Variants in ANOS1 observed in about 807,000 individuals in gnomAD.
ANOS1 encodes anosmin-1.
A neutral mutation model predicts 59.0 loss-of-function variants in ANOS1; 6 were observed. The ratio of observed to expected loss-of-function variants is 0.10; its 90% CI spans 0.06 to 0.20. The LOEUF (loss-of-function observed/expected upper bound fraction) is 0.20, where lower values mean the gene tolerates loss of function less well. Ranked by LOEUF, ANOS1 falls within the 10% of genes least tolerant of loss-of-function variation. The probability of loss-of-function intolerance (pLI) is 1.00; values close to 1 mark genes in which losing one functional copy is unlikely to be tolerated. For missense variants in ANOS1, 433 were observed against 542.3 expected (o/e 0.80, Z 2.00); for synonymous variants, 217 against 223.4 (o/e 0.97, Z 0.25).
intron 2 of ANOS1, among the ~76,000 whole-genome samples, chrX:8,667,378 C>A (rs1386511106): frequency 9.0e-6 from 1 of 110,796 alleles, no homozygotes; most frequent in Non-Finnish European, 1.9e-5. Flanking sequence ...CCAGCATGGA[C>A]TCAAACTCCT....
chrX:8,689,972 A>G (rs1451166960), intron 2 of ANOS1, among the ~76,000 whole-genome samples: 2 of 111,812 alleles, frequency 1.8e-5, no homozygotes, highest in Non-Finnish European at 3.8e-5. Flanking sequence ...ACACTAGTTG[A>G]AACCTCACAC....
chrX:8,595,748 C>A, intron 4 of ANOS1, among the ~76,000 whole-genome samples: 1 of 111,570 alleles, frequency 9.0e-6, no homozygotes, highest in Middle Eastern at 4.6e-3. Context: ...TGCCTACTGA[C>A]TGACTCTATA....
intron 9 of ANOS1, among the ~76,000 whole-genome samples, chrX:8,549,697 G>T (rs980090621): frequency 1.8e-5 from 2 of 111,963 alleles, no homozygotes; most frequent in Non-Finnish European, 3.8e-5. Flanking sequence ...GCCAGGCACC[G>T]GTCCAACCAA....
intron 2 of ANOS1, among the ~76,000 whole-genome samples, chrX:8,689,043 T>C (rs955094762): frequency 3.6e-5 from 4 of 111,670 alleles, no homozygotes; most frequent in Non-Finnish European, 7.5e-5. Flanking sequence ...CAGTGACAGA[T>C]GGAAGTTTGC....
In ANOS1 at chrX:8,531,103, A is replaced by G. The variant is rs1377480482; in HGVS notation, c.*1892T>C. On this transcript the variant is annotated 3_prime_UTR_variant, in exon 14 of 14. Coordinates refer to ENST00000262648, the MANE Select transcript of ANOS1 (RefSeq NM_000216.4). ...CTGCAGTGAACCATTCAGAACCAAC[A>G]TGAACTTTCATTCTGAGGTGTCCAA... The G allele has an allele frequency of 2.0e-5, 2 of 101,818 alleles. No homozygotes were observed. Among genetic ancestry groups the G allele is most frequent in the Non-Finnish European group, 4.0e-5 (2 of 50,305 alleles). 8.4% of individuals were successfully genotyped at this position (101,818 alleles called of 1,213,427 possible).
chrX:8,703,350 A>G (rs1336699093), intron 1 of ANOS1, among the ~76,000 whole-genome samples: 1 of 112,344 alleles, frequency 8.9e-6, no homozygotes, highest in East Asian at 2.8e-4. Flanking sequence ...TGTTGTCAAC[A>G]GGTTGACAAA....
intron 4 of ANOS1, among the ~76,000 whole-genome samples, chrX:8,590,347 T>C (rs1257686262): frequency 1.0e-5 from 1 of 100,415 alleles, no homozygotes; most frequent in Non-Finnish European, 2.1e-5. Flanking sequence ...ATGGTTTTTT[T>C]GTTTGTTTGT....
intron 3 of ANOS1, among the ~76,000 whole-genome samples, chrX:8,619,411 C>A (rs1455052894): frequency 2.7e-5 from 3 of 111,251 alleles, no homozygotes. Flanking sequence ...GGAGACCATC[C>A]TGGCCAACAT....
chrX:8,609,321 C>A (rs772378703), intron 3 of ANOS1, among the ~76,000 whole-genome samples: 12 of 111,830 alleles, frequency 1.1e-4, no homozygotes, highest in Non-Finnish European at 2.1e-4. Flanking sequence ...GGACAGAAGA[C>A]TGGCCTTATA....
intron 3 of ANOS1, among the ~76,000 whole-genome samples, chrX:8,606,181 A>G: frequency 8.9e-6 from 1 of 112,672 alleles, no homozygotes; most frequent in South Asian, 3.6e-4. Flanking sequence ...ATCATGCATA[A>G]ACTTAAAGAA....
At chrX:8,668,030 T>A (rs369178103) in intron 2 of ANOS1, among the ~76,000 whole-genome samples, 3 of 110,706 alleles carry the variant, frequency 2.7e-5, no homozygotes, top group African/African-American at 9.9e-5. Context: ...AAGGTATTTT[T>A]AAATTTTTTT....
intron 8 of ANOS1, among the ~76,000 whole-genome samples, chrX:8,562,328 T>C (rs894326498): frequency 8.9e-6 from 1 of 112,031 alleles, no homozygotes. Flanking sequence ...ATTAAAATGA[T>C]TCAAGAAGAG....
rs1193427084 is a variant in ANOS1 at position 8,665,454 on chromosome X, G to GA, written c.255+34243dup. ...AATACAAAAGACTTTTCTAATCTTG[G>GA]AAAAAAATAGTGGAAGGTAATACTG... On this transcript the variant is annotated intron_variant, in intron 2 of 13. Coordinates refer to ENST00000262648, the MANE Select transcript of ANOS1 (RefSeq NM_000216.4). 2.7e-5 allele frequency among the ~76,000 whole-genome samples: 3 copies of GA among 111,952 alleles called. No homozygotes were observed. In the Admixed American group the frequency reaches 2.8e-4, roughly 11 times the overall value.
chrX:8,615,950 G>C (rs1157977954), intron 3 of ANOS1, among the ~76,000 whole-genome samples: 1 of 110,401 alleles, frequency 9.1e-6, no homozygotes, highest in Non-Finnish European at 1.9e-5. Flanking sequence ...TCATCTGCTT[G>C]TAAAATATAA....
At chrX:8,661,761 C>G (rs1932042428) in intron 2 of ANOS1, among the ~76,000 whole-genome samples, 1 of 111,912 alleles carries the variant, frequency 8.9e-6, no homozygotes, top group Admixed American at 9.5e-5. Context: ...TGGGCAAGCA[C>G]AGTTGATCAC....
chrX:8,668,430 TACAC>T (rs1555900813), intron 2 of ANOS1, among the ~76,000 whole-genome samples: 1 of 80,256 alleles, frequency 1.2e-5, no homozygotes, highest in Non-Finnish European at 2.3e-5. Context: ...TATATATATA[TACAC>T]ACACATACAT....
At chrX:8,594,646 AT>A (rs1930680236) in intron 4 of ANOS1, among the ~76,000 whole-genome samples, 1 of 59,181 alleles carries the variant, frequency 1.7e-5, no homozygotes, top group Non-Finnish European at 2.9e-5. Context: ...AAATCTACAT[AT>A]ATATATATGT....
chrX:8,659,584 G>T (rs775769364), intron 2 of ANOS1, among the ~76,000 whole-genome samples: 19 of 57,688 alleles, frequency 3.3e-4, no homozygotes, highest in Non-Finnish European at 5.1e-4. Flanking sequence ...TTGCTTGCTT[G>T]CCTTCCTTCC....
chrX:8,709,941 A>AT (rs1336322275), intron 1 of ANOS1, among the ~76,000 whole-genome samples: 4 of 108,864 alleles, frequency 3.7e-5, no homozygotes, highest in Non-Finnish European at 7.7e-5. Context: ...ATTTTTTTTT[A>AT]TTTTTTTGAG....
Sources: allele counts gnomAD v4.1 joint callset (sites outside exome capture counted in the v4.1 genomes callset), GRCh38; gene constraint gnomAD v4.1.1; transcripts MANE v1.5; gene names NCBI Gene and HGNC (gene_info 2026-07-23, HGNC 2026-07-21).